Variants in BCL11B observed in about 807,000 individuals in gnomAD.
BCL11B encodes the protein B-cell lymphoma/leukemia 11B.
In BCL11B, 8 loss-of-function variants were observed where a neutral mutation model predicts 49.9. The ratio of observed to expected loss-of-function variants is 0.16; its 90% CI spans 0.09 to 0.29. The LOEUF is 0.29. Ranked by LOEUF, BCL11B falls within the 10% of genes least tolerant of loss-of-function variation. The probability of loss-of-function intolerance (pLI) is 1.00; values close to 1 mark genes in which losing one functional copy is unlikely to be tolerated. For synonymous variants in BCL11B, 739 were observed against 637.4 expected (o/e 1.16, Z -2.40); for missense variants, 1,006 against 1,351.0 (o/e 0.74, Z 4.00).
chr14:99,218,405 G>A (rs899733506), intron 3 of BCL11B, among the ~76,000 whole-genome samples: 10 of 151,632 alleles, frequency 6.6e-5, no homozygotes, highest in East Asian at 1.9e-4. Flanking sequence ...CCATCTCCCC[G>A]CCCTATCGTT....
At position 99,174,405 on chromosome 14, in the gene BCL11B, A is replaced by G; in HGVS notation, c.2431T>C (p.Leu811=). 6.2e-7 allele frequency: 1 copy of G among 1,613,348 alleles called. No homozygotes were observed. The highest frequency in any genetic ancestry group is 8.5e-7 in the Non-Finnish European group (1 of 1,179,850). The part of the protein sequence containing the change: ...CGKVFKNCSN[L]TVHRRSHTGE... Reference sequence around the variant, plus strand: ...GTGTGGCTCCGCCGGTGCACCGTCAAGTTGCTGCAGTTCTTGAACACCTTG... The same window carrying G: ...GTGTGGCTCCGCCGGTGCACCGTCAGGTTGCTGCAGTTCTTGAACACCTTG... The change falls in exon 4 of 4, where the codon TTG becomes CTG. Residue 811 remains leucine, a synonymous_variant. Coordinates refer to ENST00000357195, the MANE Select transcript of BCL11B (RefSeq NM_138576.4).
At position 99,175,399 on chromosome 14, in the gene BCL11B, G is replaced by T. The variant is rs147218517; in HGVS notation, c.1437C>A (p.His479Gln). The part of the protein sequence containing the change: ...KLKRHMKTHM[H>Q]KAGSLAGRSD... ...AGCGGCCGGCCAGCGAGCCGGCCTT[G>T]TGCATGTGCGTCTTCATGTGGCGCT... Residue 479 changes from histidine (H) to glutamine (Q), a missense_variant, in exon 4 of 4, where the codon CAC (histidine) becomes CAA (glutamine). His to Gln is a conservative substitution (Grantham distance 24, BLOSUM62 0). Transcript: ENST00000357195. 6 of 1,605,594 alleles carry T rather than the reference G, an allele frequency of 3.7e-6. No homozygotes were observed. In the South Asian group the frequency reaches 5.5e-5, roughly 15 times the overall value.
intron 3 of BCL11B, among the ~76,000 whole-genome samples, chr14:99,207,577 G>A (rs770128833): frequency 3.3e-5 from 5 of 152,234 alleles, no homozygotes; most frequent in African/African-American, 7.2e-5. Flanking sequence ...GCTGGGAGCC[G>A]GAGCTAGAGG....
rs1342911834 is a variant in BCL11B, at chr14:99,176,036, GGCGGGA to G, written c.794_799del (p.Ile265_Pro267delinsThr). On this transcript the variant is annotated inframe_deletion, in exon 4 of 4. Transcript: ENST00000357195. ...CGCCACGGCCTCCGGCCCGAGCGGC[GGCGGGA>G]TGGTGAGCCGCGGCGTGAGCGAGCT... 1 of 1,586,882 alleles carries G rather than the reference GGCGGGA, an allele frequency of 6.3e-7. No individual in the cohort carries two copies. Among genetic ancestry groups the G allele is most frequent in the Non-Finnish European group, 8.6e-7 (1 of 1,166,536 alleles).
chr14:99,195,470 A>C lies in BCL11B; in HGVS notation c.641-19275T>G, dbSNP rs1887152979. On this transcript the variant is annotated intron_variant, in intron 3 of 3. Transcript: ENST00000357195. The surrounding 1 kb of genome is among the most constrained non-coding windows in gnomAD (Gnocchi z 4.7). ...ACCACACACCACAGTCCCCCAAGCC[A>C]GGATACTGCACTGGGCTTTGCACCC... is the stretch of plus-strand genomic sequence containing the variant. Among the ~76,000 whole-genome samples the C allele has an allele frequency of 6.6e-6, 1 of 152,082 alleles. No homozygotes were observed. The highest frequency in any genetic ancestry group is 1.5e-5 in the Non-Finnish European group (1 of 68,000).
intron 1 of BCL11B, among the ~76,000 whole-genome samples, chr14:99,267,742 C>T (rs1889529133): frequency 6.6e-6 from 1 of 152,220 alleles, no homozygotes; most frequent in African/African-American, 2.4e-5. Context: ...ATGGAATTAA[C>T]ACAGTTAGCC....
intron 2 of BCL11B, among the ~76,000 whole-genome samples, chr14:99,238,836 T>C (rs1888581541): frequency 6.6e-6 from 1 of 152,138 alleles, no homozygotes; most frequent in African/African-American, 2.4e-5. Flanking sequence ...CTCCTCTGGG[T>C]GACCTCAGGC....
intron 3 of BCL11B, among the ~76,000 whole-genome samples, chr14:99,189,047 G>GGGGGATTTTGGGCC (rs1886945779): frequency 6.6e-6 from 1 of 152,350 alleles, no homozygotes; most frequent in Admixed American, 6.5e-5. Flanking sequence ...GCGCTTCCCC[G>GGGGGATTTTGGGCC]GGGGATTTTG....
At position 99,271,336 on chromosome 14, in the gene BCL11B, GCACCTCCTCCT is replaced by G; in HGVS notation, c.-129_-119del. 1.5e-6 allele frequency: 1 copy of G among 671,224 alleles called. No individual in the cohort carries two copies. The highest frequency in any genetic ancestry group is 1.9e-5 in the African/African-American group (1 of 52,892). The allele number at this position is 671,224 out of a possible 1,614,324, so 41.6% of individuals were successfully genotyped here. A position where few individuals can be genotyped will look rare whatever the true frequency, so the allele number is the denominator to read the frequency against. On this transcript the variant is annotated 5_prime_UTR_variant, in exon 1 of 4. Transcript: ENST00000357195. The stretch of plus-strand genomic sequence containing the variant: ...CGCTGCCGCCGCCGCCGCCGCCGCC[GCACCTCCTCCT>G]CTGCCCGGGTTGGTGTTTTTTTTCC...
intron 2 of BCL11B, among the ~76,000 whole-genome samples, chr14:99,246,264 G>T (rs1422679683): frequency 6.6e-6 from 1 of 152,190 alleles, no homozygotes; most frequent in Non-Finnish European, 1.5e-5. Flanking sequence ...CCCGCCCCTC[G>T]CCGCCCGGCT....
intron 2 of BCL11B, among the ~76,000 whole-genome samples, chr14:99,246,295 C>T (rs1595070850): frequency 1.3e-5 from 2 of 152,218 alleles, no homozygotes; most frequent in Non-Finnish European, 2.9e-5. Context: ...CTCCATTAAG[C>T]CCCCGAATTA....
At chr14:99,182,313 A>G (rs976071806) in intron 3 of BCL11B, among the ~76,000 whole-genome samples, 11 of 152,196 alleles carry the variant, frequency 7.2e-5, no homozygotes, top group Admixed American at 3.3e-4. Context: ...GAAGAAACTG[A>G]GGACGGGAAG....
chr14:99,251,268 T>G (rs1889000220), intron 2 of BCL11B, among the ~76,000 whole-genome samples: 1 of 152,176 alleles, frequency 6.6e-6, no homozygotes, highest in African/African-American at 2.4e-5. Flanking sequence ...TCCAGGAGGC[T>G]AGGAAGCCAG....
At position 99,184,165 on chromosome 14, in the gene BCL11B, C is replaced by T. The variant is rs936030433; in HGVS notation, c.641-7970G>A. 3.3e-5 allele frequency among the ~76,000 whole-genome samples: 5 copies of T among 152,186 alleles called. No individual in the cohort carries two copies. In the East Asian group the frequency reaches 5.8e-4, roughly 18 times the overall value. Reference sequence around the variant, plus strand: ...TGCACACACCCATGAGCTGCCCACTCGCCCTCTCGGTGCCTCCCTTTGGGC... The same window carrying T: ...TGCACACACCCATGAGCTGCCCACTTGCCCTCTCGGTGCCTCCCTTTGGGC... On this transcript the variant is annotated intron_variant, in intron 3 of 3. Coordinates refer to ENST00000357195, the MANE Select transcript of BCL11B (RefSeq NM_138576.4). The surrounding 1 kb of genome is among the most constrained non-coding windows in gnomAD (Gnocchi z 6.1).
intron 3 of BCL11B, among the ~76,000 whole-genome samples, chr14:99,180,903 G>A (rs1423443887): frequency 6.6e-6 from 1 of 152,142 alleles, no homozygotes; most frequent in Non-Finnish European, 1.5e-5. Flanking sequence ...CTTGGGAACC[G>A]ACGTGCAGCT....
At position 99,241,540 on chromosome 14, in the gene BCL11B, C is replaced by T. The variant is rs914763436; in HGVS notation, c.428-9983G>A. Among the ~76,000 whole-genome samples, 4 of 152,084 alleles carry T rather than the reference C, an allele frequency of 2.6e-5. No homozygotes were observed. Among genetic ancestry groups the T allele is most frequent in the Non-Finnish European group, 5.9e-5 (4 of 68,006 alleles). On this transcript the variant is annotated intron_variant, in intron 2 of 3. Transcript: ENST00000357195. This position sits in a 1 kb window ranked among gnomAD's most constrained non-coding sequence, Gnocchi z 4.4. ...GAAAAATTAAGTCTTGGGGCTGAGA[C>T]GAAGGGAACCTGACTCAGCTCCTCC...
In BCL11B at chr14:99,232,133, A is replaced by G. The variant is rs1458477536; in HGVS notation, c.428-576T>C. Among the ~76,000 whole-genome samples the G allele has an allele frequency of 6.6e-6, 1 of 152,110 alleles. No homozygotes were observed. The highest frequency in any genetic ancestry group is 1.5e-5 in the Non-Finnish European group (1 of 68,002). On this transcript the variant is annotated intron_variant, in intron 2 of 3. Transcript: ENST00000357195. The surrounding 1 kb of genome is among the most constrained non-coding windows in gnomAD (Gnocchi z 5.1). Reference sequence around the variant, plus strand: ...CAGCTGGGGGCTCTCTCCAGCCCCAAGCACTGAGCGTGCTGCACCCAAAAC... The same window carrying G: ...CAGCTGGGGGCTCTCTCCAGCCCCAGGCACTGAGCGTGCTGCACCCAAAAC...
intron 3 of BCL11B, among the ~76,000 whole-genome samples, chr14:99,225,911 G>A (rs1223136801): frequency 6.6e-6 from 1 of 151,234 alleles, no homozygotes; most frequent in Non-Finnish European, 1.5e-5. Context: ...CCCCCAACTG[G>A]GGGGCTTGCA....
chr14:99,184,714 T>C lies in BCL11B; in HGVS notation c.641-8519A>G, dbSNP rs1257422. 0.17 allele frequency among the ~76,000 whole-genome samples: 25,597 copies of C among 152,054 alleles called. 2,782 individuals carry two copies. Among genetic ancestry groups the C allele is most frequent in the African/African-American group, 0.31 (12,920 of 41,432 alleles). On this transcript the variant is annotated intron_variant, in intron 3 of 3. Transcript: ENST00000357195. This position sits in a 1 kb window ranked among gnomAD's most constrained non-coding sequence, Gnocchi z 6.1. ...CCTGTCTAATCATTCCGCCTGCACC[T>C]GGGATTGCCAGCAAGCCAGCCCGGG...
Sources: gnomAD v4.1 joint callset for allele counts (sites outside exome capture counted in the v4.1 genomes callset) on GRCh38, gnomAD v4.1.1 for gene constraint, Gnocchi (gnomAD v3.1) non-coding constraint, MANE v1.5 for transcripts, NCBI Gene and HGNC (gene_info 2026-07-23, HGNC 2026-07-21) for gene names.